KSR2: variants seen among roughly 807,000 people sequenced by gnomAD.
KSR2 encodes the protein kinase suppressor of ras 2.
Under a neutral mutation model 107.8 loss-of-function variants are expected in KSR2, and 25 were observed. That is an observed-to-expected ratio of 0.23 (90% CI 0.17 to 0.32). The LOEUF (loss-of-function observed/expected upper bound fraction) is 0.32, where lower values mean the gene tolerates loss of function less well. KSR2 is among the 10% of genes least tolerant of loss of function. The probability of loss-of-function intolerance (pLI) is 1.00; values close to 1 mark genes in which losing one functional copy is unlikely to be tolerated. For synonymous variants in KSR2, 480 were observed against 507.0 expected, an observed-to-expected ratio of 0.95 and a Z score of 0.71; for missense variants, 887 against 1,268.9, an observed-to-expected ratio of 0.70 and a Z score of 4.57.
chr12:117,887,432 A>G (rs1894209140), intron 1 of KSR2, among the ~76,000 whole-genome samples: 2 of 152,058 alleles, frequency 1.3e-5, no homozygotes, highest in South Asian at 4.2e-4. Context: ...GAGACTAAGA[A>G]TCAGGCCAGG....
chr12:117,892,787 CAAAAAAAA>C lies in KSR2; in HGVS notation c.181-32364_181-32357del, dbSNP rs35897528. On this transcript the variant is annotated intron_variant, in intron 1 of 19. Transcript: ENST00000339824. ...AGTTTGCTGACATCTGTGCTATGTG[CAAAAAAAA>C]AAAAAAAAAAAAAAAAATCAATCTC... 6.7e-3 allele frequency among the ~76,000 whole-genome samples: 581 copies of C among 87,142 alleles called. 3 individuals carry two copies. Among genetic ancestry groups the C allele is most frequent in the African/African-American group, 0.02 (527 of 26,460 alleles). The allele number at this position is 87,142 out of a possible 152,430, so 57.2% of individuals were successfully genotyped here.
At chr12:117,652,092 AT>A (rs374172416) in intron 5 of KSR2, among the ~76,000 whole-genome samples, 1 of 152,292 alleles carries the variant, frequency 6.6e-6, no homozygotes, top group African/African-American at 2.4e-5. Flanking sequence ...TCTCATTGAT[AT>A]GTGGGAACTA....
chr12:117,883,811 G>C (rs114063100), intron 1 of KSR2, among the ~76,000 whole-genome samples: 21 of 151,090 alleles, frequency 1.4e-4, no homozygotes, highest in African/African-American at 4.1e-4. Context: ...GTGAGGCGAA[G>C]GTGGCAGTGA....
At chr12:117,782,733 A>C (rs1288793812) in intron 3 of KSR2, among the ~76,000 whole-genome samples, 14 of 152,072 alleles carry the variant, frequency 9.2e-5, no homozygotes. Flanking sequence ...TAAGCTACAA[A>C]CCTCCTAAGT....
At chr12:117,874,087 C>A (rs1351243847) in intron 1 of KSR2, among the ~76,000 whole-genome samples, 1 of 152,210 alleles carries the variant, frequency 6.6e-6, no homozygotes, top group African/African-American at 2.4e-5. Context: ...CTGATTCTTT[C>A]TTTACCGCAG....
chr12:117,608,953 T>C (rs973079547), intron 5 of KSR2, among the ~76,000 whole-genome samples: 14 of 152,058 alleles, frequency 9.2e-5, no homozygotes, highest in Non-Finnish European at 1.9e-4. Flanking sequence ...TGGGAGGTTG[T>C]CCACAGCTAG....
chr12:117,579,260 T>G, intron 6 of KSR2, 58 bp from the exon 7 acceptor site: 129 of 1,196,788 alleles, frequency 1.1e-4, no homozygotes, highest in Non-Finnish European at 1.4e-4. Context: ...GACCTATCTC[T>G]AGAGGGATGA....
intron 14 of KSR2, among the ~76,000 whole-genome samples, chr12:117,494,976 T>A (rs1177200681): frequency 6.6e-6 from 1 of 152,190 alleles, no homozygotes; most frequent in Non-Finnish European, 1.5e-5. Context: ...CTGGCTGGAA[T>A]CCAAAGAGTG....
At chr12:117,966,968 C>T (rs894318902) in intron 1 of KSR2, among the ~76,000 whole-genome samples, 3 of 152,150 alleles carry the variant, frequency 2.0e-5, no homozygotes, top group Non-Finnish European at 2.9e-5. Flanking sequence ...CCACTGCCCC[C>T]ACCCTCGGCG....
At chr12:117,643,914 A>AT (rs1184939002) in intron 5 of KSR2, among the ~76,000 whole-genome samples, 1 of 152,194 alleles carries the variant, frequency 6.6e-6, no homozygotes, top group Non-Finnish European at 1.5e-5. Flanking sequence ...CAGATCTCCC[A>AT]TAAGCATCTG....
At chr12:117,960,622 A>T (rs1896633528) in intron 1 of KSR2, among the ~76,000 whole-genome samples, 1 of 152,130 alleles carries the variant, frequency 6.6e-6, no homozygotes, top group Non-Finnish European at 1.5e-5. Context: ...GTCAGGCAAG[A>T]TCTGCAGAAC....
chr12:117,589,396 T>A (rs564669116), intron 5 of KSR2, among the ~76,000 whole-genome samples: 22 of 152,322 alleles, frequency 1.4e-4, no homozygotes, highest in Admixed American at 3.9e-4. Flanking sequence ...TTAGTCTCCA[T>A]AATTCCCTTT....
intron 17 of KSR2, among the ~76,000 whole-genome samples, chr12:117,472,833 C>G (rs908659098): frequency 1.3e-5 from 2 of 152,160 alleles, no homozygotes; most frequent in African/African-American, 4.8e-5. Flanking sequence ...GGAGGGAGGT[C>G]TATTCATCAT....
At chr12:117,795,067 T>G (rs1158668143) in intron 3 of KSR2, among the ~76,000 whole-genome samples, 1 of 152,198 alleles carries the variant, frequency 6.6e-6, no homozygotes, top group African/African-American at 2.4e-5. Context: ...GTTGGTGTCA[T>G]GCTTCTTTCC....
intron 14 of KSR2, among the ~76,000 whole-genome samples, chr12:117,506,187 C>T (rs757106394): frequency 1.5e-4 from 23 of 152,268 alleles, no homozygotes; most frequent in Admixed American, 7.8e-4. Context: ...TCTTCAAAGT[C>T]GATACACATG....
intron 3 of KSR2, among the ~76,000 whole-genome samples, chr12:117,783,935 A>G (rs1420259642): frequency 6.6e-6 from 1 of 152,206 alleles, no homozygotes; most frequent in Non-Finnish European, 1.5e-5. Context: ...CACAGGCACC[A>G]AAGCCCCCAA....
At chr12:117,470,299 T>C (rs1426142914) in intron 18 of KSR2, among the ~76,000 whole-genome samples, 1 of 148,206 alleles carries the variant, frequency 6.7e-6, no homozygotes, top group Admixed American at 6.7e-5. Context: ...CATCCACCCA[T>C]ATATCATCCA....
rs908494329 is a variant in KSR2, at chr12:117,531,842, C to G, written c.1688-135G>C. On this transcript the variant is annotated intron_variant, in intron 10 of 19. Transcript: ENST00000339824. ...GAGTTTCCATACTTCTGCAGACATCCCTGCAGACAAGGGACTGCAAACATG... is the reference window on the plus strand; with the variant it reads ...GAGTTTCCATACTTCTGCAGACATCGCTGCAGACAAGGGACTGCAAACATG... 8.5e-6 allele frequency: 5 copies of G among 591,036 alleles called. No homozygotes were observed. The African/African-American group carries it at 9.7e-5, about 12-fold the overall frequency. The allele number at this position is 591,036 out of a possible 1,614,324, so 36.6% of individuals were successfully genotyped here.
intron 1 of KSR2, among the ~76,000 whole-genome samples, chr12:117,966,153 G>A (rs1307740809): frequency 6.6e-6 from 1 of 152,094 alleles, no homozygotes; most frequent in East Asian, 1.9e-4. Context: ...AGAAGGCAAT[G>A]CCCACTGCGG....
Sources: gnomAD v4.1 joint callset for allele counts (sites outside exome capture counted in the v4.1 genomes callset) on GRCh38, gnomAD v4.1.1 for gene constraint, MANE v1.5 for transcripts, NCBI Gene and HGNC (gene_info 2026-07-23, HGNC 2026-07-21) for gene names.